UNC13C: variants seen among roughly 807,000 people sequenced by gnomAD.
The protein encoded by UNC13C is unc-13 homolog C, also known as protein unc-13 homolog C.
UNC13C carries 174 observed loss-of-function variants against 245.4 expected under a neutral mutation model. That is an observed-to-expected ratio of 0.71 (90% confidence interval 0.63 to 0.80). The LOEUF (loss-of-function observed/expected upper bound fraction) is 0.80, where lower values mean the gene tolerates loss of function less well. Among genes scored for constraint, UNC13C ranks in the 30% least tolerant of loss-of-function variants. The probability of loss-of-function intolerance (pLI) is 0.00; values close to 1 mark genes in which losing one functional copy is unlikely to be tolerated. For synonymous variants in UNC13C, 992 were observed against 895.1 expected, an observed-to-expected ratio of 1.11 and a Z score of -1.93; for missense variants, 2,829 against 2,602.9, an observed-to-expected ratio of 1.09 and a Z score of -1.89.
the UNC13C span, among the ~76,000 whole-genome samples, chr15:53,918,841 A>G: frequency 3.9e-5 from 6 of 152,172 alleles, no homozygotes; most frequent in African/African-American, 1.4e-4. Flanking sequence ...TGGGCTTGTG[A>G]ATATGTTTGG....
chr15:54,095,144 C>A (rs904531642), intron 2 of UNC13C, among the ~76,000 whole-genome samples: 1 of 152,188 alleles, frequency 6.6e-6, no homozygotes, highest in African/African-American at 2.4e-5. Flanking sequence ...CACTACAGAA[C>A]ACCATCCACC....
At chr15:54,411,338 A>G (rs1400367074) in intron 18 of UNC13C, among the ~76,000 whole-genome samples, 1 of 152,020 alleles carries the variant, frequency 6.6e-6, no homozygotes, top group East Asian at 1.9e-4. Flanking sequence ...TCAGATTTTA[A>G]TTCATGAAGT....
intron 16 of UNC13C, among the ~76,000 whole-genome samples, chr15:54,334,732 T>C (rs538151118): frequency 6.6e-6 from 1 of 152,262 alleles, no homozygotes; most frequent in Admixed American, 6.5e-5. Flanking sequence ...TCAATTCTAA[T>C]CTACTGTCAG....
chr15:54,205,403 A>G (rs2034675255), intron 4 of UNC13C, among the ~76,000 whole-genome samples: 1 of 152,040 alleles, frequency 6.6e-6, no homozygotes, highest in Non-Finnish European at 1.5e-5. Flanking sequence ...CGACAAGCTC[A>G]TTAAGCAATT....
At chr15:54,625,263 C>T (rs953152083) in intron 32 of UNC13C, among the ~76,000 whole-genome samples, 11 of 124,754 alleles carry the variant, frequency 8.8e-5, no homozygotes, top group Admixed American at 5.3e-4. Context: ...CAAAATCTAC[C>T]GGAAGCAAGA....
Position 54,015,901 on chromosome 15 carries a change from A to T in UNC13C, c.2983+15A>T. 1.9e-6 allele frequency: 3 copies of T among 1,542,080 alleles called. No individual in the cohort carries two copies. Among genetic ancestry groups the T allele is most frequent in the Non-Finnish European group, 2.6e-6 (3 of 1,146,236 alleles). On this transcript the variant is annotated intron_variant, in intron 2 of 32. Coordinates refer to ENST00000260323, the MANE Select transcript of UNC13C (RefSeq NM_001080534.3). ...CTTGGCTGGAGGTATTCATGTTTAA[A>T]TGCTACATTGTGAGCTAATTGTGTT...
At chr15:54,457,892 G>GTTTTTTTTTTTTTTTCTTTTTTTTTTT (rs34133938) in intron 19 of UNC13C, among the ~76,000 whole-genome samples, 1 of 122,990 alleles carries the variant, frequency 8.1e-6, no homozygotes, top group African/African-American at 3.1e-5. Flanking sequence ...TCTGCTTTTC[G>GTTTTTTTTTTTTTTTCTTTTTTTTTTT]TTTTTTTTTT....
Position 54,004,682 on chromosome 15 carries a change from G to A in UNC13C, c.-256-7966G>A, listed in dbSNP as rs139776844. Among the ~76,000 whole-genome samples the A allele has an allele frequency of 6.6e-4, 101 of 152,282 alleles. 1 individual carries two copies. Among genetic ancestry groups the A allele is most frequent in the African/African-American group, 2.1e-3 (86 of 41,562 alleles). ...TCCTCACCAGCATTTGTTATTGCCTGTCTTTGAGATAAATCCATTTTAACC... is the reference window on the plus strand; with the variant it reads ...TCCTCACCAGCATTTGTTATTGCCTATCTTTGAGATAAATCCATTTTAACC... On this transcript the variant is annotated intron_variant, in intron 1 of 32. Transcript: ENST00000260323.
At chr15:54,135,905 T>C (rs1013293648) in intron 2 of UNC13C, among the ~76,000 whole-genome samples, 1 of 152,168 alleles carries the variant, frequency 6.6e-6, no homozygotes, top group Non-Finnish European at 1.5e-5. Flanking sequence ...GGAATTTTGG[T>C]AGAGATTCCT....
At chr15:54,038,069 T>C (rs1896645628) in intron 2 of UNC13C, among the ~76,000 whole-genome samples, 1 of 144,122 alleles carries the variant, frequency 6.9e-6, no homozygotes, top group African/African-American at 2.6e-5. Context: ...GTTATACTTG[T>C]ATGTATATGT....
At chr15:54,143,145 T>C in intron 3 of UNC13C, 105 bp downstream of exon 3, 2 of 1,085,508 alleles carry the variant, frequency 1.8e-6, no homozygotes, top group Non-Finnish European at 2.8e-6. Flanking sequence ...AGTTTTGAAA[T>C]GTGCATGTTA....
the UNC13C span, among the ~76,000 whole-genome samples, chr15:53,847,960 T>A: frequency 6.6e-6 from 1 of 152,162 alleles, no homozygotes; most frequent in African/African-American, 2.4e-5. Context: ...TTATTGAGGA[T>A]GGGCACATGA....
At chr15:54,568,595 T>C (rs904262802) in intron 30 of UNC13C, among the ~76,000 whole-genome samples, 8 of 152,188 alleles carry the variant, frequency 5.3e-5, no homozygotes, top group African/African-American at 1.9e-4. Context: ...TTGGTGATTA[T>C]ATGCATTTAA....
At chr15:54,478,019 A>C (rs200959200) in intron 19 of UNC13C, among the ~76,000 whole-genome samples, 59,412 of 147,044 alleles carry the variant, frequency 0.4, 12,317 homozygotes, top group East Asian at 0.61. Context: ...GATTCATCTT[A>C]TTCCTGGTTT....
chr15:54,410,072 C>A (rs890339591), intron 18 of UNC13C, among the ~76,000 whole-genome samples: 1 of 152,150 alleles, frequency 6.6e-6, no homozygotes, highest in Non-Finnish European at 1.5e-5. Flanking sequence ...GCCATTCTGA[C>A]CAATGTGAGA....
In UNC13C at chr15:54,316,222, C is replaced by A. The variant is rs1329514712; in HGVS notation, c.4269-5717C>A. 3.3e-5 allele frequency among the ~76,000 whole-genome samples: 5 copies of A among 151,862 alleles called. No individual in the cohort carries two copies. In the East Asian group the frequency reaches 5.9e-4, roughly 18 times the overall value. ...ATGTTACATAAGACTCTCTGTAAAC[C>A]CCTCAGACTTATCTTTGGCCATACC... On this transcript the variant is annotated intron_variant, in intron 13 of 32. Coordinates refer to ENST00000260323, the MANE Select transcript of UNC13C (RefSeq NM_001080534.3).
chr15:54,105,618 C>A (rs1481268004), intron 2 of UNC13C, among the ~76,000 whole-genome samples: 3 of 151,134 alleles, frequency 2.0e-5, no homozygotes, highest in Non-Finnish European at 4.4e-5. Flanking sequence ...AAGCTGTAAA[C>A]ACTATTAACT....
intron 24 of UNC13C, among the ~76,000 whole-genome samples, chr15:54,519,286 C>A (rs1895115920): frequency 6.6e-6 from 1 of 151,988 alleles, no homozygotes; most frequent in Non-Finnish European, 1.5e-5. Flanking sequence ...TCATATAAAG[C>A]CTGAAGGTGT....
intron 1 of UNC13C, among the ~76,000 whole-genome samples, chr15:53,988,032 G>T (rs889717495): frequency 2.0e-5 from 3 of 151,904 alleles, no homozygotes; most frequent in Non-Finnish European, 4.4e-5. Context: ...CTAAAGGTTT[G>T]ACTTTCCCAA....
Sources: allele counts gnomAD v4.1 joint callset (sites outside exome capture counted in the v4.1 genomes callset), GRCh38; gene constraint gnomAD v4.1.1; transcripts MANE v1.5; gene names NCBI Gene and HGNC (gene_info 2026-07-23, HGNC 2026-07-21).